CCDC93: variants seen among roughly 807,000 people sequenced by gnomAD.
The protein encoded by CCDC93 is CCC complex scaffolding subunit CCDC93, also known as coiled-coil domain-containing protein 93.
In CCDC93, 61 loss-of-function variants were observed where a neutral mutation model predicts 108.2. That is an observed-to-expected ratio of 0.56 (90% CI 0.46 to 0.70). The LOEUF (loss-of-function observed/expected upper bound fraction) is 0.70. Ranked by LOEUF, CCDC93 falls within the 30% of genes least tolerant of loss-of-function variation. The probability of loss-of-function intolerance (pLI) is 0.00; values close to 1 mark genes in which losing one functional copy is unlikely to be tolerated. For missense variants in CCDC93, 685 were observed against 764.2 expected (o/e 0.90, Z 1.22); for synonymous variants, 276 against 260.4 (o/e 1.06, Z -0.58).
intron 19 of CCDC93, among the ~76,000 whole-genome samples, chr2:117,939,492 T>C (rs1678630252): frequency 1.3e-5 from 2 of 152,252 alleles, no homozygotes; most frequent in Admixed American, 6.5e-5. Flanking sequence ...AACATGTCTT[T>C]ATCAGATGAT....
intron 18 of CCDC93, among the ~76,000 whole-genome samples, chr2:117,943,218 C>T (rs1241207420): frequency 6.6e-6 from 1 of 152,306 alleles, no homozygotes; most frequent in East Asian, 1.9e-4. Context: ...TATATATAGA[C>T]ATGTCTTGGT....
chr2:117,933,798 CG>C (rs1473205859), intron 22 of CCDC93, among the ~76,000 whole-genome samples: 14 of 149,378 alleles, frequency 9.4e-5, no homozygotes, highest in Non-Finnish European at 1.6e-4. Flanking sequence ...ACATTCAAAG[CG>C]TATCTGGAGC....
At chr2:117,991,059 C>G (rs557837360) in intron 6 of CCDC93, among the ~76,000 whole-genome samples, 1 of 151,678 alleles carries the variant, frequency 6.6e-6, no homozygotes, top group East Asian at 1.9e-4. Flanking sequence ...AAGATGAATG[C>G]AAAAAATTCA....
At chr2:117,974,346 G>C (rs1361329975) in intron 10 of CCDC93, among the ~76,000 whole-genome samples, 2 of 152,152 alleles carry the variant, frequency 1.3e-5, no homozygotes, top group East Asian at 1.9e-4. Flanking sequence ...ACAGGGAATA[G>C]AGAAGAGCAT....
intron 23 of CCDC93, among the ~76,000 whole-genome samples, chr2:117,930,318 TTAAAA>T (rs1171257112): frequency 2.0e-5 from 3 of 152,198 alleles, no homozygotes; most frequent in Admixed American, 2.0e-4. Flanking sequence ...AAGGAATTCC[TTAAAA>T]TAAAGCTGCT....
In CCDC93 at chr2:117,935,536, T is replaced by C; in HGVS notation, c.1687A>G (p.Met563Val). The C allele has an allele frequency of 1.9e-6, 3 of 1,614,000 alleles. No homozygotes were observed. Among genetic ancestry groups the C allele is most frequent in the Non-Finnish European group, 2.5e-6 (3 of 1,179,912 alleles). The change falls in exon 22 of 24, where the codon ATG (methionine) becomes GTG (valine). Residue 563 changes from methionine to valine, a missense_variant. By Grantham distance (21) the Met-to-Val change is conservative. Coordinates refer to ENST00000376300, the MANE Select transcript of CCDC93 (RefSeq NM_019044.5). ...TTAATTCCTTCCACAATCTGTTCCA[T>C]CTGACGTAAAAACTGGTCCCGGGCA... ...PAARDQFLRQMEQIVEGIKQS... is the reference protein window; with the variant it reads ...PAARDQFLRQVEQIVEGIKQS...
chr2:117,947,119 T>C (rs1485326726), intron 15 of CCDC93, among the ~76,000 whole-genome samples: 46 of 152,144 alleles, frequency 3.0e-4, no homozygotes, highest in Admixed American at 3.0e-3. Flanking sequence ...GCTGGTGAGG[T>C]ATACAGTAAT....
intron 13 of CCDC93, chr2:117,949,804 C>T: frequency 1.0e-6 from 1 of 985,356 alleles, no homozygotes; most frequent in Middle Eastern, 5.2e-4. Context: ...GACCCCCAAA[C>T]ATCCAGACTA....
intron 6 of CCDC93, among the ~76,000 whole-genome samples, chr2:117,989,609 C>T (rs1313907834): frequency 6.6e-6 from 1 of 152,146 alleles, no homozygotes; most frequent in Non-Finnish European, 1.5e-5. Context: ...TGGAGTCAAA[C>T]AAGCTAGAGT....
At chr2:118,011,676 C>CA (rs934419685) in intron 1 of CCDC93, among the ~76,000 whole-genome samples, 8 of 149,556 alleles carry the variant, frequency 5.3e-5, no homozygotes, top group Admixed American at 1.3e-4. Context: ...CAAAAAAAAC[C>CA]AAAAAAAAAT....
At chr2:117,947,743 GA>G (rs1429699609) in intron 15 of CCDC93, among the ~76,000 whole-genome samples, 2 of 147,722 alleles carry the variant, frequency 1.4e-5, no homozygotes, top group Non-Finnish European at 3.0e-5. Flanking sequence ...ACCCAGGCTG[GA>G]GTGCAGTGGC....
At position 117,948,116 on chromosome 2, in the gene CCDC93, C is replaced by T. The variant is rs1369322125; in HGVS notation, c.1213G>A (p.Ala405Thr). 6.2e-7 allele frequency: 1 copy of T among 1,612,608 alleles called. No homozygotes were observed. The highest frequency in any genetic ancestry group is 8.5e-7 in the Non-Finnish European group (1 of 1,178,614). Reference sequence around the variant, plus strand: ...CAAACAACACTTACTCGACAATGTGCTTTAAATTCCTGTTCTTGACTTTTC... The same window carrying T: ...CAAACAACACTTACTCGACAATGTGTTTTAAATTCCTGTTCTTGACTTTTC... Reference protein sequence around the residue: ...NLKSQEQEFKAHCREEMTRLQ... With the variant: ...NLKSQEQEFKTHCREEMTRLQ... The change falls in exon 15 of 24, where the codon GCA (alanine) becomes ACA (threonine). Residue 405 changes from alanine to threonine, a missense_variant. Coordinates refer to ENST00000376300, the MANE Select transcript of CCDC93 (RefSeq NM_019044.5).
At chr2:118,011,479 T>C (rs928474025) in intron 1 of CCDC93, among the ~76,000 whole-genome samples, 2 of 152,066 alleles carry the variant, frequency 1.3e-5, no homozygotes, top group African/African-American at 4.8e-5. Context: ...CTGCAAAAAA[T>C]CTGGGATGGT....
chr2:117,996,390 T>C, intron 4 of CCDC93, 28 bp from the exon 5 acceptor site: 3 of 1,526,056 alleles, frequency 2.0e-6, no homozygotes, highest in South Asian at 1.1e-5. Context: ...AAGACAAGAG[T>C]TGCTAAGGAC....
intron 22 of CCDC93, among the ~76,000 whole-genome samples, chr2:117,935,187 A>G (rs1678482719): frequency 6.6e-6 from 1 of 152,138 alleles, no homozygotes; most frequent in African/African-American, 2.4e-5. Context: ...CATCTGTAAA[A>G]TGGGTGTGAT....
chr2:118,013,741 AG>A (rs906039638), intron 1 of CCDC93, among the ~76,000 whole-genome samples: 1 of 151,308 alleles, frequency 6.6e-6, no homozygotes, highest in African/African-American at 2.4e-5. Flanking sequence ...GAGCGGCTTA[AG>A]TTTGTCCTCA....
intron 11 of CCDC93, among the ~76,000 whole-genome samples, chr2:117,968,088 G>A (rs1436149723): frequency 6.6e-6 from 1 of 152,164 alleles, no homozygotes; most frequent in African/African-American, 2.4e-5. Flanking sequence ...CCAATATCCT[G>A]TCTTAGGGAG....
intron 3 of CCDC93, among the ~76,000 whole-genome samples, chr2:118,002,865 T>C (rs1676746655): frequency 6.6e-6 from 1 of 152,122 alleles, no homozygotes; most frequent in African/African-American, 2.4e-5. Flanking sequence ...AGTAAGACCT[T>C]GTCTGCATAA....
At chr2:117,995,413 A>G (rs1367142989) in intron 6 of CCDC93, 33 bp downstream of exon 6, 1 of 1,531,376 alleles carries the variant, frequency 6.5e-7, no homozygotes, top group South Asian at 1.1e-5. Context: ...GCTACGCAGG[A>G]CTCTGACAGA....
Sources: allele counts gnomAD v4.1 joint callset (sites outside exome capture counted in the v4.1 genomes callset), GRCh38; gene constraint gnomAD v4.1.1; transcripts MANE v1.5; gene names NCBI Gene and HGNC (gene_info 2026-07-23, HGNC 2026-07-21).